CDKAL1: variants seen among roughly 807,000 people sequenced by gnomAD.
The protein encoded by CDKAL1 is CDKAL1 threonylcarbamoyladenosine tRNA methylthiotransferase, also known as threonylcarbamoyladenosine tRNA methylthiotransferase.
Under a neutral mutation model 68.2 loss-of-function variants are expected in CDKAL1, and 32 were observed. That is an observed-to-expected ratio of 0.47 (90% CI 0.35 to 0.63). The LOEUF is 0.63. Ranked by LOEUF, CDKAL1 falls within the 30% of genes least tolerant of loss-of-function variation. The probability of loss-of-function intolerance (pLI) is 0.00; values close to 1 mark genes in which losing one functional copy is unlikely to be tolerated. For synonymous variants in CDKAL1, 234 were observed against 244.3 expected, an observed-to-expected ratio of 0.96 and a Z score of 0.39; for missense variants, 606 against 696.7, an observed-to-expected ratio of 0.87 and a Z score of 1.47.
At chr6:20,655,165 C>T (rs9465855) in intron 5 of CDKAL1, among the ~76,000 whole-genome samples, 10,370 of 152,088 alleles carry the variant, frequency 0.068, 1,127 homozygotes, top group African/African-American at 0.23. Context: ...CTTCTTTTGC[C>T]TGCACAGTAT....
rs1775961439 is a variant in CDKAL1 at position 21,142,350 on chromosome 6, G to C, written c.1299+33887G>C. On this transcript the variant is annotated intron_variant, in intron 13 of 15. Transcript: ENST00000274695. The stretch of plus-strand genomic sequence containing the variant: ...AAAAAAATCTGCTCATCTGGATCAA[G>C]CCAGTCTGGCAGGAGACTGGGACAC... Among the ~76,000 whole-genome samples the C allele has an allele frequency of 5.3e-5, 8 of 151,504 alleles. No homozygotes were observed. The South Asian group carries it at 1.7e-3, about 31-fold the overall frequency.
intron 13 of CDKAL1, among the ~76,000 whole-genome samples, chr6:21,165,864 A>T: frequency 6.6e-6 from 1 of 152,228 alleles, no homozygotes; most frequent in Admixed American, 6.5e-5. Context: ...ACTCAGGGGA[A>T]GTTTCCCAGA....
chr6:20,681,202 C>T (rs937297739), intron 5 of CDKAL1, among the ~76,000 whole-genome samples: 1 of 152,138 alleles, frequency 6.6e-6, no homozygotes, highest in Non-Finnish European at 1.5e-5. Flanking sequence ...GTAGGTGAAT[C>T]CCTGTAAAGA....
In CDKAL1 at chr6:20,767,187, GA is replaced by G. The variant is rs1297106598; in HGVS notation, c.517+8545del. On this transcript the variant is annotated intron_variant, in intron 7 of 15. Transcript: ENST00000274695. Reference sequence around the variant, plus strand: ...CTATTTTTGGTTAGTAAAATATATTGAGAATAGATGAGACTGTAAAGTTAGA... The same window carrying G: ...CTATTTTTGGTTAGTAAAATATATTGGAATAGATGAGACTGTAAAGTTAGA... 2.6e-5 allele frequency among the ~76,000 whole-genome samples: 4 copies of G among 152,144 alleles called. No individual in the cohort carries two copies. In the South Asian group the frequency reaches 8.3e-4, roughly 32 times the overall value.
intron 5 of CDKAL1, among the ~76,000 whole-genome samples, chr6:20,655,813 G>A (rs1299042066): frequency 6.6e-6 from 1 of 152,152 alleles, no homozygotes; most frequent in Admixed American, 6.5e-5. Flanking sequence ...AAGGTCTCTG[G>A]CTAGAATGAA....
chr6:21,108,318 T>C (rs564939243), intron 12 of CDKAL1, 83 bp from the exon 13 acceptor site: 274 of 815,152 alleles, frequency 3.4e-4, no homozygotes, highest in Non-Finnish European at 4.8e-4. Context: ...TGTAGAGATA[T>C]ATACACACAT....
chr6:20,578,840 A>T (rs1394445700), intron 4 of CDKAL1, among the ~76,000 whole-genome samples: 1 of 152,230 alleles, frequency 6.6e-6, no homozygotes, highest in East Asian at 1.9e-4. Flanking sequence ...CTCAGGACTA[A>T]GTACTAAGCA....
At chr6:20,768,445 C>T (rs1360304207) in intron 7 of CDKAL1, among the ~76,000 whole-genome samples, 2 of 152,168 alleles carry the variant, frequency 1.3e-5, no homozygotes, top group Non-Finnish European at 2.9e-5. Flanking sequence ...TTATCTCGCA[C>T]CCCGATTTCT....
chr6:20,835,477 TTTGTTTGTCTTGTC>T (rs1777893611), intron 8 of CDKAL1, among the ~76,000 whole-genome samples: 1 of 116,326 alleles, frequency 8.6e-6, no homozygotes, highest in African/African-American at 3.3e-5. Flanking sequence ...TTTGCTTTGC[TTTGTTTGTCTTGTC>T]TTGTCTTGTC....
rs543762213 is a variant in CDKAL1 at position 20,765,596 on chromosome 6, TGAAC to T, written c.517+6954_517+6957del. ...ACATCTACATACATTATTTCTAGGA[TGAAC>T]TCCTTGTTATTCATTCTCTCTCTCT... On this transcript the variant is annotated intron_variant, in intron 7 of 15. Coordinates refer to ENST00000274695, the MANE Select transcript of CDKAL1 (RefSeq NM_017774.3). Among the ~76,000 whole-genome samples, 350 of 152,350 alleles carry T rather than the reference TGAAC, an allele frequency of 2.3e-3. 2 individuals are homozygous for T. The highest frequency in any genetic ancestry group is 6.0e-3 in the Admixed American group (92 of 15,304).
At chr6:20,814,416 A>T (rs1044854127) in intron 8 of CDKAL1, among the ~76,000 whole-genome samples, 2 of 152,108 alleles carry the variant, frequency 1.3e-5, no homozygotes, top group African/African-American at 4.8e-5. Flanking sequence ...CGCTTCTGGG[A>T]CTATAGGCAC....
chr6:21,094,884 A>T (rs1773240654), intron 12 of CDKAL1, among the ~76,000 whole-genome samples: 1 of 152,262 alleles, frequency 6.6e-6, no homozygotes, highest in Non-Finnish European at 1.5e-5. Context: ...GATTAAACTT[A>T]CTTTAAGCAT....
intron 15 of CDKAL1, among the ~76,000 whole-genome samples, chr6:21,208,668 G>C (rs77496777): frequency 4.0e-5 from 6 of 151,822 alleles, no homozygotes; most frequent in Non-Finnish European, 8.8e-5. Context: ...CTAAGTTCAC[G>C]TCACAAACAA....
chr6:21,116,221 C>A (rs1311699992), intron 13 of CDKAL1, among the ~76,000 whole-genome samples: 1 of 151,976 alleles, frequency 6.6e-6, no homozygotes. Context: ...TGGGTAGAAT[C>A]GAGGTATTTA....
At chr6:20,683,925 A>G (rs921191699) in intron 5 of CDKAL1, among the ~76,000 whole-genome samples, 4 of 152,076 alleles carry the variant, frequency 2.6e-5, no homozygotes, top group African/African-American at 9.7e-5. Flanking sequence ...ACTGTTTTAT[A>G]TTTCCCCAGA....
chr6:20,624,851 A>G (rs1030722835), intron 4 of CDKAL1, among the ~76,000 whole-genome samples: 1 of 152,074 alleles, frequency 6.6e-6, no homozygotes, highest in African/African-American at 2.4e-5. Context: ...CACATCAACA[A>G]CTGGAATTAG....
At chr6:20,641,769 G>A (rs1768187074) in intron 4 of CDKAL1, among the ~76,000 whole-genome samples, 1 of 152,106 alleles carries the variant, frequency 6.6e-6, no homozygotes, top group African/African-American at 2.4e-5. Context: ...GGCTTTTTAT[G>A]TTTTTTGCCT....
intron 13 of CDKAL1, among the ~76,000 whole-genome samples, chr6:21,176,994 G>T (rs1367250078): frequency 6.6e-6 from 1 of 152,082 alleles, no homozygotes; most frequent in Non-Finnish European, 1.5e-5. Context: ...ACTGCGCCTG[G>T]CCAGATGTTG....
chr6:21,070,399 C>CT (rs57391327), intron 12 of CDKAL1, among the ~76,000 whole-genome samples: 6 of 139,340 alleles, frequency 4.3e-5, no homozygotes, highest in South Asian at 2.3e-4. Context: ...TTGTTTCTCT[C>CT]TTTTTTTTTT....
Sources: gnomAD v4.1 joint callset for allele counts (sites outside exome capture counted in the v4.1 genomes callset) on GRCh38, gnomAD v4.1.1 for gene constraint, MANE v1.5 for transcripts, NCBI Gene and HGNC (gene_info 2026-07-23, HGNC 2026-07-21) for gene names.